The following ANKFN1 variants were observed in gnomAD, a reference collection of about 807,000 sequenced individuals.
The protein encoded by ANKFN1 is ankyrin repeat and fibronectin type III domain containing 1, also known as ankyrin repeat and fibronectin type-III domain-containing protein 1.
ANKFN1 carries 74 observed loss-of-function variants against 108.7 expected under a neutral mutation model. The ratio of observed to expected loss-of-function variants is 0.68; its 90% CI spans 0.56 to 0.83. The LOEUF (loss-of-function observed/expected upper bound fraction) is 0.83, where lower values mean the gene tolerates loss of function less well. ANKFN1 is among the 40% of genes least tolerant of loss of function. The pLI, the probability that ANKFN1 is intolerant of heterozygous loss-of-function variation, is 0.00. For missense variants in ANKFN1, 1,505 were observed against 1,382.3 expected (o/e 1.09, Z -1.41); for synonymous variants, 547 against 516.2 (o/e 1.06, Z -0.81).
At chr17:56,496,868 A>T (rs1233083883) in intron 19 of ANKFN1, among the ~76,000 whole-genome samples, 2 of 152,154 alleles carry the variant, frequency 1.3e-5, no homozygotes, top group African/African-American at 4.8e-5. Context: ...TCATTATAAA[A>T]ACTGAAAATT....
At chr17:56,349,084 G>A (rs1261819742) in intron 4 of ANKFN1, among the ~76,000 whole-genome samples, 1 of 152,122 alleles carries the variant, frequency 6.6e-6, no homozygotes, top group Non-Finnish European at 1.5e-5. Context: ...GTAGGGACAT[G>A]GATGAAGCTG....
In ANKFN1 at chr17:56,133,524, A is replaced by G. The variant is rs1041377819; in HGVS notation, c.288+87199A>G. Among the ~76,000 whole-genome samples, 6 of 144,676 alleles carry G rather than the reference A, an allele frequency of 4.1e-5. No homozygotes were observed. In the East Asian group the frequency reaches 1.2e-3, roughly 30 times the overall value. 94.9% of individuals were successfully genotyped at this position (144,676 alleles called of 152,430 possible). A position where few individuals can be genotyped will look rare whatever the true frequency, so the allele number is the denominator to read the frequency against. On this transcript the variant is annotated intron_variant, in intron 4 of 12. Transcript: ENST00000635860. The stretch of plus-strand genomic sequence containing the variant: ...AGCTCTGATACCATTTGGGATGTGT[A>G]TACCTGTGTGTGTGTGTGTGTGTGT...
At position 56,477,631 on chromosome 17, in the gene ANKFN1, C is replaced by A; in HGVS notation, c.1917C>A (p.Ile639=). The part of the protein sequence containing the change: ...KLPNILCHVK[I]RENNNISREE... ...CCAACATTCTCTGCCACGTGAAGAT[C>A]CGTGAAAACAATAATATTTCTAGGT... The change falls in exon 16 of 21, where the codon ATC becomes ATA. Residue 639 remains isoleucine (I), a synonymous_variant. Coordinates refer to ENST00000682825, the MANE Select transcript of ANKFN1 (RefSeq NM_001370326.1). The A allele has an allele frequency of 1.9e-6, 3 of 1,612,848 alleles. No homozygotes were observed. The highest frequency in any genetic ancestry group is 2.5e-6 in the Non-Finnish European group (3 of 1,179,628).
chr17:56,409,010 C>T (rs2048005528), intron 8 of ANKFN1, among the ~76,000 whole-genome samples: 1 of 151,728 alleles, frequency 6.6e-6, no homozygotes, highest in Non-Finnish European at 1.5e-5. Flanking sequence ...CTGCAGCCTC[C>T]ACCTCCCGGG....
At chr17:56,306,525 G>T (rs1024833573) in intron 3 of ANKFN1, among the ~76,000 whole-genome samples, 2 of 152,182 alleles carry the variant, frequency 1.3e-5, no homozygotes, top group Non-Finnish European at 2.9e-5. Context: ...TACAAGGGAC[G>T]TGAAGGACCT....
intron 8 of ANKFN1, among the ~76,000 whole-genome samples, chr17:56,393,930 A>G (rs2047507267): frequency 6.6e-6 from 1 of 152,154 alleles, no homozygotes; most frequent in Non-Finnish European, 1.5e-5. Context: ...CCATTCCTTT[A>G]CCAGTCAACA....
In ANKFN1 at chr17:56,372,656, G is replaced by A. The variant is rs1318215209; in HGVS notation, c.612G>A (p.Leu204=). Residue 204 remains leucine, a synonymous_variant, in exon 7 of 21, where the codon CTG becomes CTA. Transcript: ENST00000682825. The part of the protein sequence containing the change: ...GARESPHFVS[L]ESRAMHLNTL... ...TTTCTTTCCCTTTAGTTGTCAGCCT[G>A]GAAAGCCGAGCAATGCACCTCAACA... The A allele has an allele frequency of 6.2e-7, 1 of 1,611,518 alleles. No individual in the cohort carries two copies. The highest frequency in any genetic ancestry group is 8.5e-7 in the Non-Finnish European group (1 of 1,179,432).
chr17:56,220,852 A>G (rs560275706), intron 2 of ANKFN1, among the ~76,000 whole-genome samples: 1,042 of 39,714 alleles, frequency 0.026, 58 homozygotes, highest in African/African-American at 0.22. Flanking sequence ...GGGAGGGAGG[A>G]AGGAAGGAAG....
intron 1 of ANKFN1, chr17:56,174,240 G>C (rs1910925686): frequency 1.0e-6 from 1 of 985,478 alleles, no homozygotes; most frequent in East Asian, 1.1e-4. Context: ...GCTCTTCAAA[G>C]ACTTGTGAGC....
rs1285677888 is a variant in ANKFN1, at chr17:56,514,567, GTAAT to G, written c.*3302_*3305del. Among the ~76,000 whole-genome samples, 7 of 152,182 alleles carry G rather than the reference GTAAT, an allele frequency of 4.6e-5. No homozygotes were observed. Among genetic ancestry groups the G allele is most frequent in the Non-Finnish European group, 7.4e-5 (5 of 68,024 alleles). ...AATTGGCGAGGGTGCCTGGGAGACA[GTAAT>G]TAAAAACATTCACTCCAGGGAATGA... is the stretch of plus-strand genomic sequence containing the variant. On this transcript the variant is annotated 3_prime_UTR_variant, in exon 21 of 21. Transcript: ENST00000682825.
chr17:56,422,459 G>GCA (rs147660549), intron 8 of ANKFN1, among the ~76,000 whole-genome samples: 3,022 of 151,294 alleles, frequency 0.02, 91 homozygotes, highest in African/African-American at 0.068. Context: ...GCACACACAT[G>GCA]CACACACACA....
At chr17:56,394,018 C>G (rs1405295472) in intron 8 of ANKFN1, among the ~76,000 whole-genome samples, 1 of 152,202 alleles carries the variant, frequency 6.6e-6, no homozygotes, top group Non-Finnish European at 1.5e-5. Flanking sequence ...AACACAGTCC[C>G]CTTGTTTATG....
chr17:56,315,207 T>A (rs145647014), intron 3 of ANKFN1, among the ~76,000 whole-genome samples: 45 of 152,362 alleles, frequency 3.0e-4, no homozygotes, highest in African/African-American at 1.0e-3. Context: ...CTAATATAGC[T>A]GGAGGAGATG....
At chr17:56,467,853 A>G (rs2050182419) in intron 15 of ANKFN1, among the ~76,000 whole-genome samples, 1 of 8,834 alleles carries the variant, frequency 1.1e-4, no homozygotes, top group Non-Finnish European at 2.0e-4. Context: ...AAAGAAAGAA[A>G]AAGGGAAAGA....
chr17:56,183,523 A>C (rs1911887655), intron 1 of ANKFN1, among the ~76,000 whole-genome samples: 1 of 152,134 alleles, frequency 6.6e-6, no homozygotes, highest in African/African-American at 2.4e-5. Flanking sequence ...AAGTTAGTTC[A>C]CATGAGATCT....
At chr17:56,388,104 G>A (rs1328739596) in intron 8 of ANKFN1, among the ~76,000 whole-genome samples, 1 of 151,492 alleles carries the variant, frequency 6.6e-6, no homozygotes, top group Non-Finnish European at 1.5e-5. Context: ...TAATTAATAA[G>A]CTTCTATGGC....
intron 8 of ANKFN1, among the ~76,000 whole-genome samples, chr17:56,421,271 T>C (rs1231631678): frequency 1.3e-5 from 2 of 152,152 alleles, no homozygotes; most frequent in African/African-American, 4.8e-5. Flanking sequence ...GACAGTGGGC[T>C]TAGTTAGAGG....
intron 4 of ANKFN1, 43 bp from the exon 5 acceptor site, chr17:56,350,723 T>A (rs2144668450): frequency 6.5e-7 from 1 of 1,534,884 alleles, no homozygotes; most frequent in Non-Finnish European, 9.0e-7. Context: ...CAACTTATAA[T>A]TTGTGGTGTA....
At chr17:56,176,496 C>T (rs191764312) in intron 1 of ANKFN1, among the ~76,000 whole-genome samples, 75 of 152,264 alleles carry the variant, frequency 4.9e-4, no homozygotes, top group African/African-American at 1.6e-3. Flanking sequence ...CCATTCAATG[C>T]GCACAAGGAG....
Sources: allele counts gnomAD v4.1 joint callset (sites outside exome capture counted in the v4.1 genomes callset), GRCh38; gene constraint gnomAD v4.1.1; transcripts MANE v1.5; gene names NCBI Gene and HGNC (gene_info 2026-07-23, HGNC 2026-07-21).